MACROD2: variants seen among roughly 807,000 people sequenced by gnomAD.
The protein encoded by MACROD2 is ADP-ribose glycohydrolase MACROD2.
MACROD2 carries 36 observed loss-of-function variants against 70.4 expected under a neutral mutation model. That is an observed-to-expected ratio of 0.51 (90% CI 0.39 to 0.68). The LOEUF (loss-of-function observed/expected upper bound fraction) is 0.68, where lower values mean the gene tolerates loss of function less well. Among genes scored for constraint, MACROD2 ranks in the 30% least tolerant of loss-of-function variants. MACROD2 has a pLI of 0.00. For synonymous variants in MACROD2, 172 were observed against 178.8 expected (o/e 0.96, Z 0.30); for missense variants, 496 against 538.4 (o/e 0.92, Z 0.78).
intron 2 of MACROD2, among the ~76,000 whole-genome samples, chr20:14,032,733 C>T (rs975835259): frequency 6.6e-6 from 1 of 152,132 alleles, no homozygotes; most frequent in African/African-American, 2.4e-5. Flanking sequence ...TGCAGACTTG[C>T]ACCAGACAGG....
intron 5 of MACROD2, among the ~76,000 whole-genome samples, chr20:14,848,370 T>A (rs968214688): frequency 1.3e-5 from 2 of 152,206 alleles, no homozygotes; most frequent in African/African-American, 4.8e-5. Context: ...GTGTTTTCTC[T>A]CCTTTTAGAT....
intron 8 of MACROD2, among the ~76,000 whole-genome samples, chr20:15,545,550 G>T (rs1017681637): frequency 6.6e-6 from 1 of 152,096 alleles, no homozygotes; most frequent in African/African-American, 2.4e-5. Context: ...GAATCATAGG[G>T]TCACCTTTAA....
At chr20:15,570,304 A>C (rs1174436639) in intron 8 of MACROD2, among the ~76,000 whole-genome samples, 1 of 152,106 alleles carries the variant, frequency 6.6e-6, no homozygotes, top group African/African-American at 2.4e-5. Flanking sequence ...AGTGATGTTG[A>C]GCATTTCTTC....
chr20:14,002,746 A>G (rs111807488), intron 2 of MACROD2, among the ~76,000 whole-genome samples: 3,525 of 152,210 alleles, frequency 0.023, 55 homozygotes, highest in Non-Finnish European at 0.039. Flanking sequence ...AAGTTCATTT[A>G]TAATCGATTA....
intron 8 of MACROD2, among the ~76,000 whole-genome samples, chr20:15,608,086 C>T (rs894839639): frequency 1.3e-5 from 2 of 152,204 alleles, no homozygotes; most frequent in Non-Finnish European, 2.9e-5. Context: ...GAATTCTCTA[C>T]TTCTCATACT....
At chr20:14,213,569 G>A (rs2081589465) in intron 3 of MACROD2, among the ~76,000 whole-genome samples, 2 of 151,746 alleles carry the variant, frequency 1.3e-5, no homozygotes, top group Non-Finnish European at 1.5e-5. Context: ...ATAGTTCTGT[G>A]AGAGTTGGCA....
At chr20:14,644,646 A>G (rs545984492) in intron 4 of MACROD2, among the ~76,000 whole-genome samples, 62 of 152,306 alleles carry the variant, frequency 4.1e-4, no homozygotes, top group Middle Eastern at 3.4e-3. Context: ...TTAATGAACT[A>G]TCTTGAAACA....
In MACROD2 at chr20:14,757,789, G is replaced by T. The variant is rs1034810717; in HGVS notation, c.418+72830G>T. On this transcript the variant is annotated intron_variant, in intron 5 of 17. Transcript: ENST00000684519. Reference sequence around the variant, plus strand: ...GGTACCTTCCCAATGAGGGTATCCAGTATCTCCGTGATTACCTTCATCTGC... The same window carrying T: ...GGTACCTTCCCAATGAGGGTATCCATTATCTCCGTGATTACCTTCATCTGC... 1.3e-5 allele frequency: 20 copies of T among 1,531,154 alleles called. No individual in the cohort carries two copies. The African/African-American group carries it at 2.7e-4, about 21-fold the overall frequency. 94.8% of individuals were successfully genotyped at this position (1,531,154 alleles called of 1,614,324 possible).
intron 3 of MACROD2, among the ~76,000 whole-genome samples, chr20:14,160,812 G>C (rs2055175486): frequency 6.6e-6 from 1 of 151,692 alleles, no homozygotes; most frequent in South Asian, 2.1e-4. Flanking sequence ...TTCAGATTAT[G>C]TATTTGAAAT....
chr20:15,642,886 G>A (rs2049484247), intron 8 of MACROD2, among the ~76,000 whole-genome samples: 1 of 152,044 alleles, frequency 6.6e-6, no homozygotes, highest in Admixed American at 6.5e-5. Flanking sequence ...GGACTCATGG[G>A]ACAAGATTAC....
At chr20:15,189,177 CA>C (rs1961828318) in intron 5 of MACROD2, among the ~76,000 whole-genome samples, 1 of 151,838 alleles carries the variant, frequency 6.6e-6, no homozygotes, top group Admixed American at 6.6e-5. Context: ...AGCACCTAGC[CA>C]ACTTGGAGCC....
chr20:14,670,875 C>T (rs2070787619), intron 4 of MACROD2, among the ~76,000 whole-genome samples: 1 of 152,028 alleles, frequency 6.6e-6, no homozygotes, highest in South Asian at 2.1e-4. Context: ...GAAGTCTTAC[C>T]CCCATGTGGT....
intron 5 of MACROD2, among the ~76,000 whole-genome samples, chr20:14,867,511 G>A (rs891356366): frequency 6.6e-6 from 1 of 152,102 alleles, no homozygotes; most frequent in African/African-American, 2.4e-5. Context: ...CAGGAAAGTT[G>A]CTATAAGCGA....
intron 5 of MACROD2, among the ~76,000 whole-genome samples, chr20:14,985,415 G>T (rs577170467): frequency 2.0e-5 from 3 of 152,260 alleles, no homozygotes; most frequent in East Asian, 3.9e-4. Flanking sequence ...ATTTCTAGTG[G>T]AGTGATCATT....
chr20:15,426,329 CTT>C (rs2046297651), intron 6 of MACROD2, among the ~76,000 whole-genome samples: 1 of 151,740 alleles, frequency 6.6e-6, no homozygotes, highest in African/African-American at 2.4e-5. Context: ...ATTCTCCACT[CTT>C]AAGTCAAATT....
chr20:15,712,220 G>T (rs1429416217), intron 8 of MACROD2, among the ~76,000 whole-genome samples: 2 of 152,182 alleles, frequency 1.3e-5, no homozygotes, highest in East Asian at 3.9e-4. Flanking sequence ...TTTAAGCTTT[G>T]TGGGTTGTAC....
intron 3 of MACROD2, among the ~76,000 whole-genome samples, chr20:14,254,734 A>T: frequency 6.6e-6 from 1 of 152,182 alleles, no homozygotes; most frequent in Admixed American, 6.5e-5. Flanking sequence ...AAATGGAATT[A>T]AAAAGAAGTG....
chr20:15,393,738 A>G (rs1230310949), intron 6 of MACROD2, among the ~76,000 whole-genome samples: 2 of 152,200 alleles, frequency 1.3e-5, no homozygotes, highest in African/African-American at 4.8e-5. Context: ...CTCAGAGTAT[A>G]AGGTCTTTGA....
chr20:14,308,761 A>G (rs1337446770), intron 3 of MACROD2, among the ~76,000 whole-genome samples: 1 of 152,134 alleles, frequency 6.6e-6, no homozygotes, highest in Non-Finnish European at 1.5e-5. Context: ...CATCACTGGG[A>G]ATAGCAGTGC....
Sources: gnomAD v4.1 joint callset for allele counts (sites outside exome capture counted in the v4.1 genomes callset) on GRCh38, gnomAD v4.1.1 for gene constraint, MANE v1.5 for transcripts, NCBI Gene and HGNC (gene_info 2026-07-23, HGNC 2026-07-21) for gene names.